Variants in DBF4B observed in about 807,000 individuals in gnomAD.
DBF4B encodes the protein DBF4B-CDC7 kinase regulatory subunit.
In DBF4B, 49 loss-of-function variants were observed where a neutral mutation model predicts 53.4. That is an observed-to-expected ratio of 0.92 (90% confidence interval 0.73 to 1.16). The LOEUF is 1.16. Among genes scored for constraint, DBF4B ranks in the 50% most tolerant of loss-of-function variants. DBF4B has a pLI of 0.00. For synonymous variants in DBF4B, 257 were observed against 288.7 expected (o/e 0.89, Z 1.11); for missense variants, 692 against 775.0 (o/e 0.89, Z 1.27).
chr17:44,751,534 C>T lies in DBF4B; in HGVS notation c.*281C>T. On this transcript the variant is annotated 3_prime_UTR_variant, in exon 14 of 14. Transcript: ENST00000315005. ...TGGCCCTCCAGCCCACCTCGCCAAC[C>T]ACTCTTGTTGGTTTCCTTCTCAGAC... 2.9e-6 allele frequency: 4 copies of T among 1,361,054 alleles called. No homozygotes were observed. The highest frequency in any genetic ancestry group is 6.7e-5 in the Admixed American group (2 of 29,984). 84.3% of individuals were successfully genotyped at this position (1,361,054 alleles called of 1,614,324 possible).
At chr17:44,730,403 G>T (rs1974733791) in intron 4 of DBF4B, among the ~76,000 whole-genome samples, 1 of 152,214 alleles carries the variant, frequency 6.6e-6, no homozygotes, top group African/African-American at 2.4e-5. Context: ...TTGGGCAGGA[G>T]TACCCTGAGT....
intron 10 of DBF4B, among the ~76,000 whole-genome samples, chr17:44,746,831 AAGAG>A (rs897555843): frequency 3.0e-4 from 45 of 151,654 alleles, no homozygotes; most frequent in African/African-American, 1.0e-3. Flanking sequence ...AAAAAAAAAA[AAGAG>A]AGAGAGGACA....
intron 3 of DBF4B, among the ~76,000 whole-genome samples, 169 bp downstream of exon 3, chr17:44,723,191 C>G (rs1012594487): frequency 1.3e-5 from 2 of 152,234 alleles, no homozygotes; most frequent in African/African-American, 2.4e-5. Flanking sequence ...ACTGCAACCT[C>G]TGCCTCCCGG....
Position 44,714,584 on chromosome 17 carries a change from CTGTAACTGTAA to C in DBF4B, c.82+5220_82+5230del, listed in dbSNP as rs531972914. On this transcript the variant is annotated intron_variant, in intron 2 of 13. Coordinates refer to ENST00000315005, the MANE Select transcript of DBF4B (RefSeq NM_145663.3). ...CAAGATTTCTCTGTGCCTCAGTTTC[CTGTAACTGTAA>C]TTATTATAACTGTAAAACAGGTATA... Among the ~76,000 whole-genome samples the C allele has an allele frequency of 1.4e-3, 219 of 151,730 alleles. 1 individual carries two copies. Among genetic ancestry groups the C allele is most frequent in the African/African-American group, 4.9e-3 (203 of 41,372 alleles).
chr17:44,750,043 G>GAA, intron 13 of DBF4B: 8 of 1,000,264 alleles, frequency 8.0e-6, no homozygotes, highest in Non-Finnish European at 9.5e-6. Flanking sequence ...AGCCCCCTCT[G>GAA]GGACCCCTCT....
At chr17:44,738,575 T>C in intron 9 of DBF4B, 151 bp downstream of exon 9, 2 of 754,470 alleles carry the variant, frequency 2.7e-6, no homozygotes, top group Non-Finnish European at 4.2e-6. Flanking sequence ...TTTCTCCCAT[T>C]GTCATGGAGA....
chr17:44,729,878 TCAGC>T, intron 3 of DBF4B, 23 bp from the exon 4 acceptor site: 2 of 1,602,400 alleles, frequency 1.2e-6, no homozygotes, highest in Admixed American at 1.7e-5. Context: ...TTTTTGGTTT[TCAGC>T]CACCTCTGTG....
intron 2 of DBF4B, among the ~76,000 whole-genome samples, chr17:44,721,558 C>T (rs1973847786): frequency 6.6e-6 from 1 of 152,058 alleles, no homozygotes; most frequent in Non-Finnish European, 1.5e-5. Context: ...TTTATGTTTT[C>T]CTGTATCCTC....
intron 3 of DBF4B, among the ~76,000 whole-genome samples, chr17:44,727,571 T>C (rs1370333127): frequency 2.0e-5 from 3 of 152,216 alleles, no homozygotes; most frequent in East Asian, 1.9e-4. Context: ...TGAGGATGGA[T>C]AGAATGAGGA....
intron 5 of DBF4B, 163 bp from the exon 6 acceptor site, chr17:44,732,015 G>T: frequency 1.6e-6 from 1 of 612,848 alleles, no homozygotes; most frequent in South Asian, 2.0e-5. Flanking sequence ...CTTCCTGGGG[G>T]TTGGGATGGA....
Position 44,750,762 on chromosome 17 carries a change from C to G in DBF4B, c.1357C>G (p.Gln453Glu). Reference sequence around the variant, plus strand: ...CTGTCCCTGCCCAGCCTCCTTTACCCAGTCTCATCTGGTCACTTCCTTGGC... The same window carrying G: ...CTGTCCCTGCCCAGCCTCCTTTACCGAGTCTCATCTGGTCACTTCCTTGGC... ...CLCPCPASFT[Q>E]SHLVTSLALL... Residue 453 changes from glutamine to glutamate, a missense_variant, in exon 14 of 14, where the codon CAG (glutamine) becomes GAG (glutamate). Gln to Glu is a conservative substitution (Grantham distance 29). This residue lies in a region of DBF4B where 597 missense variants were observed against 665.8 expected (regional missense o/e 0.90). Transcript: ENST00000315005. 1 of 1,614,230 alleles carries G rather than the reference C, an allele frequency of 6.2e-7. No homozygotes were observed. Among genetic ancestry groups the G allele is most frequent in the African/African-American group, 1.3e-5 (1 of 75,058 alleles).
At chr17:44,745,922 G>A (rs1029641639) in intron 10 of DBF4B, among the ~76,000 whole-genome samples, 59 of 151,904 alleles carry the variant, frequency 3.9e-4, no homozygotes, top group African/African-American at 1.3e-3. Context: ...AAGAATTCAG[G>A]CTTGGCCGGA....
Position 44,749,406 on chromosome 17 carries a change from C to T in DBF4B, c.1189+941C>T, listed in dbSNP as rs183596018. ...ACTCCTCTGCTGGGTGCTGCACACCCGGCCAGGGCTGACCAGGACGCAGGA... is the reference window on the plus strand; with the variant it reads ...ACTCCTCTGCTGGGTGCTGCACACCTGGCCAGGGCTGACCAGGACGCAGGA... On this transcript the variant is annotated intron_variant, in intron 13 of 13. Coordinates refer to ENST00000315005, the MANE Select transcript of DBF4B (RefSeq NM_145663.3). This position sits in a 1 kb window ranked among gnomAD's most constrained non-coding sequence, Gnocchi z 4.4. 14,184 of 1,289,424 alleles carry T rather than the reference C, an allele frequency of 0.011. 83 individuals carry two copies. Among genetic ancestry groups the T allele is most frequent in the Non-Finnish European group, 0.013 (12,875 of 988,854 alleles). The allele number at this position is 1,289,424 out of a possible 1,614,324, so 79.9% of individuals were successfully genotyped here.
chr17:44,741,054 G>A (rs982121768), intron 9 of DBF4B, among the ~76,000 whole-genome samples: 39 of 152,056 alleles, frequency 2.6e-4, no homozygotes, highest in Non-Finnish European at 4.3e-4. Context: ...AGAATGGTGT[G>A]AACCTGGGAG....
chr17:44,725,518 G>A (rs923708521), intron 3 of DBF4B, among the ~76,000 whole-genome samples: 5 of 151,684 alleles, frequency 3.3e-5, no homozygotes, highest in African/African-American at 4.8e-5. Flanking sequence ...TTGTATGATC[G>A]CATAGTCAAT....
intron 13 of DBF4B, chr17:44,750,305 G>A (rs3744477): frequency 0.74 from 862,403 of 1,161,994 alleles, 320,907 homozygotes; most frequent in African/African-American, 0.81. Flanking sequence ...CTCTGCGTCC[G>A]TGCATTTAAA....
chr17:44,733,231 T>C (rs1474462298), intron 6 of DBF4B, among the ~76,000 whole-genome samples: 1 of 152,234 alleles, frequency 6.6e-6, no homozygotes, highest in Non-Finnish European at 1.5e-5. Flanking sequence ...TTACCTCATT[T>C]AATCCTCACT....
chr17:44,720,704 C>T (rs1336299048), intron 2 of DBF4B: 3 of 152,474 alleles, frequency 2.0e-5, no homozygotes, highest in Admixed American at 2.0e-4. Context: ...CAAGGATATA[C>T]CTAGGAGTAA....
intron 10 of DBF4B, among the ~76,000 whole-genome samples, chr17:44,743,875 T>G (rs1429160159): frequency 1.3e-5 from 2 of 151,882 alleles, no homozygotes; most frequent in Non-Finnish European, 2.9e-5. Flanking sequence ...CCCAAAATGC[T>G]GGGATTACAG....
Sources: gnomAD v4.1 joint callset for allele counts (sites outside exome capture counted in the v4.1 genomes callset) on GRCh38, gnomAD v4.1.1 for gene constraint, gnomAD v4.1.1 regional missense constraint, Gnocchi (gnomAD v3.1) non-coding constraint, MANE v1.5 for transcripts, NCBI Gene and HGNC (gene_info 2026-07-23, HGNC 2026-07-21) for gene names.